The following IDS variants were observed in gnomAD, a reference collection of about 807,000 sequenced individuals.
The protein encoded by IDS is alpha-L-iduronate sulfate sulfatase.
IDS carries 1 observed loss-of-function variant against 33.5 expected under a neutral mutation model. The observed-to-expected ratio is 0.03, with a 90% confidence interval of 0.01 to 0.14. IDS has a LOEUF of 0.14. Among genes scored for constraint, IDS ranks in the 10% least tolerant of loss-of-function variants. The probability of loss-of-function intolerance (pLI) is 1.00; values close to 1 mark genes in which losing one functional copy is unlikely to be tolerated. For synonymous variants in IDS, 191 were observed against 184.4 expected, an observed-to-expected ratio of 1.04 and a Z score of -0.29; for missense variants, 328 against 448.0, an observed-to-expected ratio of 0.73 and a Z score of 2.42.
intron 6 of IDS, among the ~76,000 whole-genome samples, chrX:149,492,205 C>T (rs1291167600): frequency 8.9e-6 from 1 of 111,870 alleles, no homozygotes; most frequent in Admixed American, 9.4e-5. Flanking sequence ...TCCCCTGGGG[C>T]TCTGCAGAAC....
chrX:149,484,945 T>C (rs1359174168), intron 8 of IDS, among the ~76,000 whole-genome samples: 1 of 112,044 alleles, frequency 8.9e-6, no homozygotes, highest in Non-Finnish European at 1.9e-5. Flanking sequence ...AAACTTACAA[T>C]ACTAGTAACG....
At position 149,482,102 on chromosome X, in the gene IDS, G is replaced by A. The variant is rs2089298914; in HGVS notation, c.*644C>T. On this transcript the variant is annotated 3_prime_UTR_variant, in exon 9 of 9. Coordinates refer to ENST00000340855, the MANE Select transcript of IDS (RefSeq NM_000202.8). Reference sequence around the variant, plus strand: ...TATTAAGCATTATTTATTATTTGGTGTAAAAATTCTACATTAATTACTTCA... The same window carrying A: ...TATTAAGCATTATTTATTATTTGGTATAAAAATTCTACATTAATTACTTCA... The A allele has an allele frequency of 2.7e-5, 3 of 112,197 alleles. No individual in the cohort carries two copies. Among genetic ancestry groups the A allele is most frequent in the African/African-American group, 6.5e-5 (2 of 30,902 alleles). 9.2% of individuals were successfully genotyped at this position (112,197 alleles called of 1,213,427 possible).
Position 149,482,990 on chromosome X carries a change from G to A in IDS, c.1409C>T (p.Ser470Leu), listed in dbSNP as rs868934036. The change falls in exon 9 of 9, where the codon TCA becomes TTA. Residue 470 changes from serine (S) to leucine (L), a missense_variant. Physicochemically the swap from Ser to Leu is moderately radical, Grantham distance 145 (BLOSUM62 -2). Coordinates refer to ENST00000340855, the MANE Select transcript of IDS (RefSeq NM_000202.8). ...GTCAGAATTCCACTGAGGGATGTCT[G>A]AAGGCCGGGGATACTGGCTATAGGC... ...LIAYSQYPRP[S>L]DIPQWNSDKP... 8.3e-7 allele frequency: 1 copy of A among 1,210,877 alleles called. No individual in the cohort carries two copies. Among genetic ancestry groups the A allele is most frequent in the African/African-American group, 1.7e-5 (1 of 57,760 alleles).
At position 149,478,181 on chromosome X, in the gene IDS, T is replaced by G. The variant is rs2089276268; in HGVS notation, c.*4565A>C. The G allele has an allele frequency of 1.8e-5, 2 of 111,886 alleles. No homozygotes were observed. Among genetic ancestry groups the G allele is most frequent in the African/African-American group, 6.5e-5 (2 of 30,740 alleles). 9.2% of individuals were successfully genotyped at this position (111,886 alleles called of 1,213,427 possible). On this transcript the variant is annotated 3_prime_UTR_variant, in exon 9 of 9. Transcript: ENST00000340855. ...AGTCAGTTTCCCTCTGTAGCTAGGG[T>G]GAGGCTGCTCCAGAGTCACTTGGTT... is the stretch of plus-strand genomic sequence containing the variant.
At chrX:149,486,065 A>G (rs2089332970) in intron 8 of IDS, among the ~76,000 whole-genome samples, 1 of 111,766 alleles carries the variant, frequency 8.9e-6, no homozygotes, top group South Asian at 3.8e-4. Flanking sequence ...CTCCAAAAAG[A>G]GCAAACGTCA....
intron 6 of IDS, among the ~76,000 whole-genome samples, chrX:149,492,265 C>T (rs2089399692): frequency 9.0e-6 from 1 of 111,639 alleles, no homozygotes; most frequent in Non-Finnish European, 1.9e-5. Context: ...TTTTTCCCAC[C>T]ACTCTGACCG....
In IDS at chrX:149,482,237, C is replaced by T. The variant is rs781919857; in HGVS notation, c.*509G>A. On this transcript the variant is annotated 3_prime_UTR_variant, in exon 9 of 9. Transcript: ENST00000340855. ...TTTAACTTTAGATTTGAAAAAGAAA[C>T]ATGGATTACATGTTAACATAATATT... The T allele has an allele frequency of 2.7e-5, 3 of 111,538 alleles. No individual in the cohort carries two copies. The East Asian group carries it at 8.4e-4, about 31-fold the overall frequency. The allele number at this position is 111,538 out of a possible 1,213,427, so 9.2% of individuals were successfully genotyped here.
Position 149,501,004 on chromosome X carries a change from T to A in IDS, c.452A>T (p.Tyr151Phe), listed in dbSNP as rs2089475405. Residue 151 changes from tyrosine (Y) to phenylalanine (F), a missense_variant, in exon 4 of 9, where the codon TAT becomes TTT. Tyr to Phe is a conservative substitution (Grantham distance 22). This residue lies in a region of IDS where 265 missense variants were observed against 339.2 expected (regional missense o/e 0.78). Coordinates refer to ENST00000340855, the MANE Select transcript of IDS (RefSeq NM_000202.8). Reference sequence around the variant, plus strand: ...ATGATAAGGTGGAAAAGACCAGCTATACGGAGAATCATCGGTATGGTTAGA... The same window carrying A: ...ATGATAAGGTGGAAAAGACCAGCTAAACGGAGAATCATCGGTATGGTTAGA... ...ISSNHTDDSP[Y>F]SWSFPPYHPS... 5 of 1,175,863 alleles carry A rather than the reference T, an allele frequency of 4.3e-6. No individual in the cohort carries two copies. Among genetic ancestry groups the A allele is most frequent in the African/African-American group, 1.8e-5 (1 of 56,021 alleles).
In IDS at chrX:149,479,984, G is replaced by C. The variant is rs782692139; in HGVS notation, c.*2762C>G. On this transcript the variant is annotated 3_prime_UTR_variant, in exon 9 of 9. Coordinates refer to ENST00000340855, the MANE Select transcript of IDS (RefSeq NM_000202.8). ...AAAAACCTCAGCCTCCTTCGGGAGG[G>C]GGGGAGCTTGGTAGTGAAAAATGGT... 7.9e-5 allele frequency: 21 copies of C among 264,964 alleles called. No homozygotes were observed. Among genetic ancestry groups the C allele is most frequent in the East Asian group, 1.6e-4 (3 of 18,695 alleles). The allele number at this position is 264,964 out of a possible 1,213,427, so 21.8% of individuals were successfully genotyped here. A position where few individuals can be genotyped will look rare whatever the true frequency, so the allele number is the denominator to read the frequency against.
In IDS at chrX:149,482,982, G is replaced by A. The variant is rs2123994315; in HGVS notation, c.1417C>T (p.Pro473Ser). The change falls in exon 9 of 9, where the codon CCT becomes TCT. Residue 473 changes from proline to serine, a missense_variant. Coordinates refer to ENST00000340855, the MANE Select transcript of IDS (RefSeq NM_000202.8). ...CTCGGCTTGTCAGAATTCCACTGAGGGATGTCTGAAGGCCGGGGATACTGG... is the reference window on the plus strand; with the variant it reads ...CTCGGCTTGTCAGAATTCCACTGAGAGATGTCTGAAGGCCGGGGATACTGG... ...YSQYPRPSDI[P>S]QWNSDKPSLK... is the part of the protein sequence containing the mutation. The A allele has an allele frequency of 2.5e-6, 3 of 1,210,997 alleles. No individual in the cohort carries two copies. Among genetic ancestry groups the A allele is most frequent in the Non-Finnish European group, 3.4e-6 (3 of 894,741 alleles).
At chrX:149,496,240 C>G (rs1280619552) in intron 6 of IDS, 106 bp downstream of exon 6, 1 of 799,389 alleles carries the variant, frequency 1.3e-6, no homozygotes, top group Non-Finnish European at 1.9e-6. Flanking sequence ...AAAGAAAGCT[C>G]TTAATAAGAC....
rs1188657365 is a variant in IDS, at chrX:149,481,481, G to A, written c.*1265C>T. 1 of 112,375 alleles carries A rather than the reference G, an allele frequency of 8.9e-6. No individual in the cohort carries two copies. Among genetic ancestry groups the A allele is most frequent in the African/African-American group, 3.2e-5 (1 of 30,928 alleles). The allele number at this position is 112,375 out of a possible 1,213,427, so 9.3% of individuals were successfully genotyped here. A position where few individuals can be genotyped will look rare whatever the true frequency, so the allele number is the denominator to read the frequency against. Reference sequence around the variant, plus strand: ...CACAAATATTTACCTGGAAACACTGGAGACTTTGTAAAGAGAAAATTACTA... The same window carrying A: ...CACAAATATTTACCTGGAAACACTGAAGACTTTGTAAAGAGAAAATTACTA... On this transcript the variant is annotated 3_prime_UTR_variant, in exon 9 of 9. Coordinates refer to ENST00000340855, the MANE Select transcript of IDS (RefSeq NM_000202.8).
At chrX:149,484,782 T>A (rs931901705) in intron 8 of IDS, among the ~76,000 whole-genome samples, 21 of 112,654 alleles carry the variant, frequency 1.9e-4, no homozygotes, top group Non-Finnish European at 3.2e-4. Flanking sequence ...CCCTTCTGGA[T>A]CTTTAAGACA....
Position 149,503,466 on chromosome X carries a change from G to A in IDS, c.264C>T (p.Arg88=), listed in dbSNP as rs375362189. The A allele has an allele frequency of 7.8e-6, 9 of 1,148,197 alleles. No individual in the cohort carries two copies. Among genetic ancestry groups the A allele is most frequent in the Middle Eastern group, 2.8e-4 (1 of 3,544 alleles). 94.6% of individuals were successfully genotyped at this position (1,148,197 alleles called of 1,213,427 possible). A position where few individuals can be genotyped will look rare whatever the true frequency, so the allele number is the denominator to read the frequency against. The change falls in exon 3 of 9, where the codon CGC becomes CGT. Residue 88 remains arginine (R), a synonymous_variant. Coordinates refer to ENST00000340855, the MANE Select transcript of IDS (RefSeq NM_000202.8). ...GTCTCCTGCCAGTGAGGAAAGAAAC[G>A]CGGCTCGGGGCGCACACTGCTTGCT... is the stretch of plus-strand genomic sequence containing the variant. ...FAQQAVCAPS[R]VSFLTGRRPD... is the part of the protein sequence containing the mutation.
At chrX:149,487,506 G>A (rs1223437463) in intron 7 of IDS, among the ~76,000 whole-genome samples, 7 of 111,857 alleles carry the variant, frequency 6.3e-5, no homozygotes, top group African/African-American at 2.3e-4. Flanking sequence ...GTGCCTACCT[G>A]TCTTTTGACT....
In IDS at chrX:149,477,838, T is replaced by C. The variant is rs2089274590; in HGVS notation, c.*4908A>G. The C allele has an allele frequency of 8.9e-6, 1 of 112,067 alleles. No individual in the cohort carries two copies. Among genetic ancestry groups the C allele is most frequent in the Non-Finnish European group, 1.9e-5 (1 of 53,168 alleles). The allele number at this position is 112,067 out of a possible 1,213,427, so 9.2% of individuals were successfully genotyped here. A position where few individuals can be genotyped will look rare whatever the true frequency, so the allele number is the denominator to read the frequency against. On this transcript the variant is annotated 3_prime_UTR_variant, in exon 9 of 9. Transcript: ENST00000340855. ...GGCAACAACTGACAGTCCTCTCTGC[T>C]TGAAGTTCTCATGTGCAGAAGAGAG...
intron 6 of IDS, among the ~76,000 whole-genome samples, chrX:149,492,228 CAGA>C (rs1557338827): frequency 8.9e-6 from 1 of 111,879 alleles, no homozygotes; most frequent in African/African-American, 3.3e-5. Flanking sequence ...TCTGACCTTT[CAGA>C]AGGTTTGCAT....
At chrX:149,488,931 T>A (rs782378799) in intron 7 of IDS, among the ~76,000 whole-genome samples, 2 of 109,982 alleles carry the variant, frequency 1.8e-5, no homozygotes, top group African/African-American at 6.6e-5. Flanking sequence ...CAGGGAGAGG[T>A]GGCCAGACCA....
rs1200269344 is a variant in IDS at position 149,479,879 on chromosome X, A to C, written c.*2867T>G. 6.5e-6 allele frequency: 1 copy of C among 153,594 alleles called. No individual in the cohort carries two copies. The highest frequency in any genetic ancestry group is 3.0e-5 in the African/African-American group (1 of 32,790). The allele number at this position is 153,594 out of a possible 1,213,427, so 12.7% of individuals were successfully genotyped here. A position where few individuals can be genotyped will look rare whatever the true frequency, so the allele number is the denominator to read the frequency against. ...CACATCAGTTTTATAATTAGGAAAA[A>C]AATACCTTTTTAAAGTAAAGCGAAC... On this transcript the variant is annotated 3_prime_UTR_variant, in exon 9 of 9. Coordinates refer to ENST00000340855, the MANE Select transcript of IDS (RefSeq NM_000202.8).
Sources: allele counts gnomAD v4.1 joint callset (sites outside exome capture counted in the v4.1 genomes callset), GRCh38; gene constraint gnomAD v4.1.1; regional missense constraint gnomAD v4.1.1; transcripts MANE v1.5; gene names NCBI Gene and HGNC (gene_info 2026-07-23, HGNC 2026-07-21).